Variants in CACNA1B observed in about 807,000 individuals in gnomAD.
The protein encoded by CACNA1B is voltage-dependent N-type calcium channel subunit alpha-1B.
CACNA1B carries 70 observed loss-of-function variants against 247.2 expected under a neutral mutation model. The observed-to-expected ratio is 0.28, with a 90% CI of 0.23 to 0.35. The LOEUF (loss-of-function observed/expected upper bound fraction) is 0.35. Ranked by LOEUF, CACNA1B falls within the 10% of genes least tolerant of loss-of-function variation. The probability of loss-of-function intolerance (pLI) is 1.00; values close to 1 mark genes in which losing one functional copy is unlikely to be tolerated. For missense variants in CACNA1B, 2,367 were observed against 3,197.4 expected, an observed-to-expected ratio of 0.74 and a Z score of 6.26; for synonymous variants, 1,231 against 1,294.4, an observed-to-expected ratio of 0.95 and a Z score of 1.05.
In CACNA1B at chr9:138,120,345, C is replaced by T. The variant is rs780850393; in HGVS notation, c.6211C>T (p.Pro2071Ser). Residue 2071 changes from proline (P) to serine (S), a missense_variant, in exon 45 of 47, where the codon CCC (proline) becomes TCC (serine). By Grantham distance (74) the Pro-to-Ser change is moderately conservative. Around this residue, in one of 12 missense-constraint regions of CACNA1B, gnomAD observed 773 missense variants for 779.4 expected, o/e 0.99. Coordinates refer to ENST00000371372, the MANE Select transcript of CACNA1B (RefSeq NM_000718.4). ...DRKQRSLEKGPSLSADMDGAP... is the reference protein window; with the variant it reads ...DRKQRSLEKGSSLSADMDGAP... Reference sequence around the variant, plus strand: ...GAAGCAGAGGTCCCTGGAGAAGGGGCCCAGCCTGTCTGCCGATATGGATGG... The same window carrying T: ...GAAGCAGAGGTCCCTGGAGAAGGGGTCCAGCCTGTCTGCCGATATGGATGG... 2 of 1,556,372 alleles carry T rather than the reference C, an allele frequency of 1.3e-6. No homozygotes were observed. The highest frequency in any genetic ancestry group is 1.4e-5 in the African/African-American group (1 of 73,772).
chr9:138,078,074 A>T, intron 35 of CACNA1B, 40 bp from the exon 36 acceptor site: 1 of 1,602,454 alleles, frequency 6.2e-7, no homozygotes, highest in Non-Finnish European at 8.5e-7. Flanking sequence ...GGCTCCCTCA[A>T]GGGCCTCTGT....
rs1957205205 is a variant in CACNA1B at position 137,899,222 on chromosome 9, GA to G, written c.531-13957del. 6.6e-6 allele frequency among the ~76,000 whole-genome samples: 1 copy of G among 151,866 alleles called. No homozygotes were observed. Among genetic ancestry groups the G allele is most frequent in the South Asian group, 2.1e-4 (1 of 4,812 alleles). On this transcript the variant is annotated intron_variant, in intron 3 of 46. Coordinates refer to ENST00000371372, the MANE Select transcript of CACNA1B (RefSeq NM_000718.4). The surrounding 1 kb of genome is among the most constrained non-coding windows in gnomAD (Gnocchi z 5.0). Reference sequence around the variant, plus strand: ...CCTGCCTTAGCTTCTTGGGTAGCGGGATTACAGGCGCGCTCCACCATGCCAG... The same window carrying G: ...CCTGCCTTAGCTTCTTGGGTAGCGGGTTACAGGCGCGCTCCACCATGCCAG...
At chr9:138,089,130 C>T (rs1960799334) in intron 36 of CACNA1B, among the ~76,000 whole-genome samples, 1 of 151,986 alleles carries the variant, frequency 6.6e-6, no homozygotes, top group African/African-American at 2.4e-5. Flanking sequence ...TTCTACAAGA[C>T]TAGCATTACC....
intron 39 of CACNA1B, among the ~76,000 whole-genome samples, chr9:138,106,509 C>T (rs1458435943): frequency 6.6e-6 from 1 of 152,232 alleles, no homozygotes; most frequent in Non-Finnish European, 1.5e-5. Flanking sequence ...GTGGCTCATG[C>T]CTGTAATCCC....
At chr9:138,108,805 C>T (rs181807742) in intron 39 of CACNA1B, among the ~76,000 whole-genome samples, 72 of 152,260 alleles carry the variant, frequency 4.7e-4, no homozygotes, top group African/African-American at 1.6e-3. Context: ...CACGCCACCA[C>T]GCCTGGCTAA....
rs1158048303 is a variant in CACNA1B at position 138,010,512 on chromosome 9, C to T, written c.2160+435C>T. 6.6e-6 allele frequency among the ~76,000 whole-genome samples: 1 copy of T among 152,164 alleles called. No individual in the cohort carries two copies. Among genetic ancestry groups the T allele is most frequent in the African/African-American group, 2.4e-5 (1 of 41,422 alleles). ...TTGTACATGTCTCCCTCTGTGATAT[C>T]CCTCCGGATGACACAGTCCCCTCCT... On this transcript the variant is annotated intron_variant, in intron 17 of 46. Transcript: ENST00000371372. This position sits in a 1 kb window ranked among gnomAD's most constrained non-coding sequence, Gnocchi z 5.3.
chr9:137,913,282 C>T lies in CACNA1B; in HGVS notation c.622+11C>T, dbSNP rs200763878. ...TGTCTGGGATTCCAAGTGAGTCCAG[C>T]GAAGACAGGCCCAAGCCGGCTTGGA... On this transcript the variant is annotated intron_variant, in intron 4 of 46. Transcript: ENST00000371372. The surrounding 1 kb of genome is among the most constrained non-coding windows in gnomAD (Gnocchi z 5.2). The T allele has an allele frequency of 1.1e-5, 18 of 1,604,684 alleles. No homozygotes were observed. Among genetic ancestry groups the T allele is most frequent in the African/African-American group, 2.7e-5 (2 of 74,872 alleles).
intron 36 of CACNA1B, among the ~76,000 whole-genome samples, chr9:138,084,217 A>T (rs1014372445): frequency 6.6e-6 from 1 of 151,070 alleles, no homozygotes; most frequent in African/African-American, 2.5e-5. Context: ...TGCCACAATA[A>T]GTTCATGAGA....
chr9:138,032,354 TTTTAGAACCACATCA>T (rs1958997580), intron 20 of CACNA1B, among the ~76,000 whole-genome samples: 1 of 152,160 alleles, frequency 6.6e-6, no homozygotes, highest in South Asian at 2.1e-4. Context: ...TTCTATGTAC[TTTTAGAACCACATCA>T]GAGTATGTTA....
rs538317996 is a variant in CACNA1B at position 137,914,926 on chromosome 9, G to A, written c.775+120G>A. 22 of 1,047,922 alleles carry A rather than the reference G, an allele frequency of 2.1e-5. 2 individuals carry two copies. In the South Asian group the frequency reaches 3.8e-4, roughly 18 times the overall value. 64.9% of individuals were successfully genotyped at this position (1,047,922 alleles called of 1,614,324 possible). On this transcript the variant is annotated intron_variant, in intron 5 of 46. Coordinates refer to ENST00000371372, the MANE Select transcript of CACNA1B (RefSeq NM_000718.4). This position sits in a 1 kb window ranked among gnomAD's most constrained non-coding sequence, Gnocchi z 4.3. ...GGTGCCAGATACATGAGGTGGAGCT[G>A]ACATTCTAGTGGGGGACATAGACGA...
chr9:138,034,249 G>A (rs954811457), intron 20 of CACNA1B, among the ~76,000 whole-genome samples: 5 of 152,146 alleles, frequency 3.3e-5, no homozygotes, highest in East Asian at 1.9e-4. Context: ...TGGGTGAGAC[G>A]TGACGTCTAG....
At chr9:138,004,159 A>G (rs954937886) in intron 15 of CACNA1B, among the ~76,000 whole-genome samples, 5 of 152,008 alleles carry the variant, frequency 3.3e-5, no homozygotes, top group African/African-American at 1.2e-4. Context: ...GGCAGCAAAA[A>G]CCCGGAAGCC....
chr9:137,977,648 C>T (rs1335856294), intron 12 of CACNA1B, among the ~76,000 whole-genome samples: 1 of 152,170 alleles, frequency 6.6e-6, no homozygotes, highest in East Asian at 1.9e-4. Context: ...GCACTGTCGG[C>T]ACCTGCCCAG....
At chr9:138,063,448 C>T (rs546728398) in intron 31 of CACNA1B, among the ~76,000 whole-genome samples, 4 of 152,196 alleles carry the variant, frequency 2.6e-5, no homozygotes, top group South Asian at 2.1e-4. Context: ...GAGCTATGAT[C>T]GCACCACTGC....
Position 137,954,129 on chromosome 9 carries a change from A to G in CACNA1B, c.1071-1569A>G, listed in dbSNP as rs1011732243. Among the ~76,000 whole-genome samples, 1 of 152,128 alleles carries G rather than the reference A, an allele frequency of 6.6e-6. No individual in the cohort carries two copies. The highest frequency in any genetic ancestry group is 2.4e-5 in the African/African-American group (1 of 41,424). On this transcript the variant is annotated intron_variant, in intron 7 of 46. Coordinates refer to ENST00000371372, the MANE Select transcript of CACNA1B (RefSeq NM_000718.4). This position sits in a 1 kb window ranked among gnomAD's most constrained non-coding sequence, Gnocchi z 4.1. ...GAATGGGATATGTGATGTTCCTCCC[A>G]TCAGCGCAGCTGAACCCTCCCTCAG...
intron 36 of CACNA1B, among the ~76,000 whole-genome samples, chr9:138,092,769 A>G (rs562221302): frequency 6.6e-6 from 1 of 152,224 alleles, no homozygotes; most frequent in Non-Finnish European, 1.5e-5. Context: ...AAGAAATTAT[A>G]AAAGTATTAA....
In CACNA1B at chr9:137,880,296, T is replaced by G. The variant is rs1588972100; in HGVS notation, c.390+1137T>G. Reference sequence around the variant, plus strand: ...CCCAGTGGTCTGGGTTACGGCCGGGTGAGGAGGAGGAGCATGGACAGCCCA... The same window carrying G: ...CCCAGTGGTCTGGGTTACGGCCGGGGGAGGAGGAGGAGCATGGACAGCCCA... On this transcript the variant is annotated intron_variant, in intron 2 of 46. Transcript: ENST00000371372. The surrounding 1 kb of genome is among the most constrained non-coding windows in gnomAD (Gnocchi z 4.8). 6.6e-6 allele frequency among the ~76,000 whole-genome samples: 1 copy of G among 151,434 alleles called. No individual in the cohort carries two copies. Among genetic ancestry groups the G allele is most frequent in the African/African-American group, 2.4e-5 (1 of 41,162 alleles).
intron 6 of CACNA1B, among the ~76,000 whole-genome samples, chr9:137,935,226 A>G (rs1483778601): frequency 6.6e-6 from 1 of 151,960 alleles, no homozygotes; most frequent in African/African-American, 2.4e-5. Context: ...TACATTACAT[A>G]TTTCTCCTAA....
chr9:138,061,934 G>A lies in CACNA1B; in HGVS notation c.4668+2197G>A, dbSNP rs557630008. Among the ~76,000 whole-genome samples the A allele has an allele frequency of 4.4e-4, 67 of 152,354 alleles. 3 individuals are homozygous for A. The South Asian group carries it at 0.012, about 28-fold the overall frequency. On this transcript the variant is annotated intron_variant, in intron 31 of 46. Transcript: ENST00000371372. ...ATGCTGCTGAGAGGCTCTTGGCCAC[G>A]ATGGTCACCCTATCCAGAGGTCTGC... is the stretch of plus-strand genomic sequence containing the variant.
Sources: gnomAD v4.1 joint callset for allele counts (sites outside exome capture counted in the v4.1 genomes callset) on GRCh38, gnomAD v4.1.1 for gene constraint, gnomAD v4.1.1 regional missense constraint, Gnocchi (gnomAD v3.1) non-coding constraint, MANE v1.5 for transcripts, NCBI Gene and HGNC (gene_info 2026-07-23, HGNC 2026-07-21) for gene names.